The following PRKN variants were observed in gnomAD, a reference collection of about 807,000 sequenced individuals.
The protein encoded by PRKN is parkin RBR E3 ubiquitin protein ligase.
A neutral mutation model predicts 59.5 loss-of-function variants in PRKN; 56 were observed. That is an observed-to-expected ratio of 0.94 (90% CI 0.76 to 1.18). The LOEUF (loss-of-function observed/expected upper bound fraction) is 1.18. Ranked by LOEUF, PRKN falls within the 50% of genes most tolerant of loss-of-function variation. PRKN has a pLI of 0.00. For missense variants in PRKN, 657 were observed against 596.4 expected, an observed-to-expected ratio of 1.10 and a Z score of -1.06; for synonymous variants, 250 against 222.1, an observed-to-expected ratio of 1.13 and a Z score of -1.12.
At position 162,230,586 on chromosome 6, in the gene PRKN, T is replaced by A. The variant is rs559841708; in HGVS notation, c.413-29334A>T. 1.1e-3 allele frequency among the ~76,000 whole-genome samples: 164 copies of A among 152,324 alleles called. 1 individual carries two copies. The highest frequency in any genetic ancestry group is 3.7e-3 in the African/African-American group (153 of 41,574). The stretch of plus-strand genomic sequence containing the variant: ...AGAACAATGTGTCCCCTAGGACTGA[T>A]CTACTGACTTCAATTTCATGTTCTA... On this transcript the variant is annotated intron_variant, in intron 3 of 11. Transcript: ENST00000366898.
At chr6:162,335,847 T>G (rs1783820734) in intron 2 of PRKN, among the ~76,000 whole-genome samples, 1 of 151,780 alleles carries the variant, frequency 6.6e-6, no homozygotes, top group Admixed American at 6.6e-5. Flanking sequence ...GGTGGCCAAC[T>G]CTTCCAGCAA....
chr6:162,156,671 C>T (rs1782529227), intron 4 of PRKN, among the ~76,000 whole-genome samples: 1 of 152,170 alleles, frequency 6.6e-6, no homozygotes, highest in South Asian at 2.1e-4. Context: ...GGTGAGTCTA[C>T]CTCTCCTAGT....
chr6:161,737,534 A>C (rs934966037), intron 7 of PRKN, among the ~76,000 whole-genome samples: 1 of 152,256 alleles, frequency 6.6e-6, no homozygotes, highest in African/African-American at 2.4e-5. Context: ...TTTGAGCTTC[A>C]CATTATGGCA....
At chr6:161,777,944 C>T (rs1790030926) in intron 7 of PRKN, among the ~76,000 whole-genome samples, 1 of 147,278 alleles carries the variant, frequency 6.8e-6, no homozygotes, top group Admixed American at 6.9e-5. Context: ...TTAACAGTCC[C>T]AGGGGTTTAA....
chr6:162,228,331 A>AT (rs954193030), intron 3 of PRKN, among the ~76,000 whole-genome samples: 4 of 152,164 alleles, frequency 2.6e-5, no homozygotes, highest in Non-Finnish European at 4.4e-5. Flanking sequence ...GGAGCACTAC[A>AT]TTTTAGATGC....
chr6:162,635,347 T>G (rs953765697), intron 1 of PRKN, among the ~76,000 whole-genome samples: 2 of 152,202 alleles, frequency 1.3e-5, no homozygotes, highest in Non-Finnish European at 2.9e-5. Context: ...ACCAGAAAAT[T>G]AGAAGTCTTT....
intron 6 of PRKN, among the ~76,000 whole-genome samples, chr6:161,918,109 G>A (rs931115360): frequency 2.0e-5 from 3 of 152,138 alleles, no homozygotes; most frequent in Non-Finnish European, 4.4e-5. Flanking sequence ...AAGGTGACCC[G>A]GGAGTAGATA....
intron 7 of PRKN, among the ~76,000 whole-genome samples, chr6:161,596,833 C>A (rs570945338): frequency 5.5e-4 from 84 of 152,288 alleles, no homozygotes; most frequent in African/African-American, 1.8e-3. Context: ...TCTTTCTTCC[C>A]TGAAGATGAT....
rs1363356634 is a variant in PRKN, at chr6:161,395,087, C to T, written c.1084-8210G>A. On this transcript the variant is annotated intron_variant, in intron 9 of 11. Coordinates refer to ENST00000366898, the MANE Select transcript of PRKN (RefSeq NM_004562.3). The surrounding 1 kb of genome is among the most constrained non-coding windows in gnomAD (Gnocchi z 5.0). ...AAAGGTACATTGTGAAAAATGTCTC[C>T]TTTCCTCCTTGGTCAGCTACATAGC... Among the ~76,000 whole-genome samples, 2 of 152,146 alleles carry T rather than the reference C, an allele frequency of 1.3e-5. No homozygotes were observed. Among genetic ancestry groups the T allele is most frequent in the Non-Finnish European group, 2.9e-5 (2 of 68,028 alleles).
In PRKN at chr6:161,755,980, T is replaced by C. The variant is rs531988041; in HGVS notation, c.871+29792A>G. The stretch of plus-strand genomic sequence containing the variant: ...AATGTGAGCCTTGAAAAAGGACTCA[T>C]GAGCAATTGACAATTAGCAATCAGC... On this transcript the variant is annotated intron_variant, in intron 7 of 11. Coordinates refer to ENST00000366898, the MANE Select transcript of PRKN (RefSeq NM_004562.3). Among the ~76,000 whole-genome samples, 11 of 152,206 alleles carry C rather than the reference T, an allele frequency of 7.2e-5. No individual in the cohort carries two copies. In the East Asian group the frequency reaches 2.1e-3, roughly 29 times the overall value.
intron 2 of PRKN, among the ~76,000 whole-genome samples, chr6:162,359,423 G>A (rs551182944): frequency 6.6e-6 from 1 of 152,056 alleles, no homozygotes; most frequent in South Asian, 2.1e-4. Flanking sequence ...CAAAGTCTTA[G>A]TAATGGAATC....
Position 162,647,811 on chromosome 6 carries a change from T to G in PRKN, c.7+79851A>C, listed in dbSNP as rs1362870175. On this transcript the variant is annotated intron_variant, in intron 1 of 11. Transcript: ENST00000366898. The stretch of plus-strand genomic sequence containing the variant: ...TTTCCCTACTTTATATTCCTTTTCT[T>G]GTCTCTTTCCTCTGTCACCACTTTA... Among the ~76,000 whole-genome samples, 9 of 152,020 alleles carry G rather than the reference T, an allele frequency of 5.9e-5. No homozygotes were observed. In the East Asian group the frequency reaches 1.7e-3, roughly 29 times the overall value.
At chr6:161,504,431 A>G (rs146667150) in intron 9 of PRKN, among the ~76,000 whole-genome samples, 1 of 152,286 alleles carries the variant, frequency 6.6e-6, no homozygotes, top group East Asian at 1.9e-4. Flanking sequence ...AAGGGGGTGA[A>G]CCCTGTGTTC....
At chr6:161,700,176 T>A (rs577818223) in intron 7 of PRKN, among the ~76,000 whole-genome samples, 2 of 152,170 alleles carry the variant, frequency 1.3e-5, no homozygotes, top group South Asian at 2.1e-4. Flanking sequence ...CTCGTTTACC[T>A]CCCCAGCTCT....
At position 161,581,674 on chromosome 6, in the gene PRKN, A is replaced by T. The variant is rs1781345846; in HGVS notation, c.872-12258T>A. On this transcript the variant is annotated intron_variant, in intron 7 of 11. Transcript: ENST00000366898. The surrounding 1 kb of genome is among the most constrained non-coding windows in gnomAD (Gnocchi z 4.5). ...ATAGAATGGAAGAAATGAAGGAAAA[A>T]TGGAATCGCTGGCCTGAGAATGAAC... Among the ~76,000 whole-genome samples, 1 of 152,198 alleles carries T rather than the reference A, an allele frequency of 6.6e-6. No homozygotes were observed. The highest frequency in any genetic ancestry group is 6.5e-5 in the Admixed American group (1 of 15,272).
chr6:161,799,446 TC>T (rs991679306), intron 6 of PRKN, among the ~76,000 whole-genome samples: 1 of 151,920 alleles, frequency 6.6e-6, no homozygotes, highest in African/African-American at 2.4e-5. Context: ...AAACACCATC[TC>T]CCCCCATCTG....
At chr6:162,480,064 CAAAA>C (rs59112045) in intron 1 of PRKN, among the ~76,000 whole-genome samples, 21 of 141,632 alleles carry the variant, frequency 1.5e-4, no homozygotes, top group Admixed American at 2.8e-4. Flanking sequence ...GATTTTGTCT[CAAAA>C]AAAAAAAAAA....
intron 7 of PRKN, among the ~76,000 whole-genome samples, chr6:161,776,741 AG>A (rs1268854007): frequency 2.0e-5 from 3 of 152,178 alleles, no homozygotes; most frequent in African/African-American, 7.2e-5. Context: ...GCCTAGGGAG[AG>A]GCAGGGCAGC....
chr6:161,615,495 G>A (rs997146736), intron 7 of PRKN, among the ~76,000 whole-genome samples: 2 of 152,136 alleles, frequency 1.3e-5, no homozygotes, highest in Non-Finnish European at 2.9e-5. Flanking sequence ...GCAGAGTGTC[G>A]ATGAAGAGAA....
Sources: allele counts gnomAD v4.1 joint callset (sites outside exome capture counted in the v4.1 genomes callset), GRCh38; gene constraint gnomAD v4.1.1; non-coding constraint Gnocchi (gnomAD v3.1); transcripts MANE v1.5; gene names NCBI Gene and HGNC (gene_info 2026-07-23, HGNC 2026-07-21).